Variants in AATF observed in about 807,000 individuals in gnomAD.
AATF encodes the protein protein AATF.
AATF carries 48 observed loss-of-function variants against 63.7 expected under a neutral mutation model. That is an observed-to-expected ratio of 0.75 (90% CI 0.60 to 0.96). AATF has a LOEUF of 0.96. Ranked by LOEUF, AATF falls within the 40% of genes least tolerant of loss-of-function variation. The probability of loss-of-function intolerance (pLI) is 0.00; values close to 1 mark genes in which losing one functional copy is unlikely to be tolerated. For missense variants in AATF, 639 were observed against 685.7 expected (o/e 0.93, Z 0.76); for synonymous variants, 258 against 247.7 (o/e 1.04, Z -0.39).
At chr17:36,986,786 C>T (rs1448792413) in intron 5 of AATF, 55 bp downstream of exon 5, 2 of 1,438,130 alleles carry the variant, frequency 1.4e-6, no homozygotes, top group East Asian at 2.3e-5. Context: ...GATAGTTTCC[C>T]ATCATTTATG....
intron 4 of AATF, among the ~76,000 whole-genome samples, chr17:36,978,713 A>C (rs1398130189): frequency 6.6e-6 from 1 of 151,908 alleles, no homozygotes; most frequent in Non-Finnish European, 1.5e-5. Flanking sequence ...TAGAAATTCT[A>C]GTTGGCCATA....
chr17:37,047,174 A>G (rs540065251), intron 11 of AATF, among the ~76,000 whole-genome samples: 1 of 152,292 alleles, frequency 6.6e-6, no homozygotes, highest in South Asian at 2.1e-4. Context: ...CTCACATCAA[A>G]TCTGTTATAA....
chr17:37,004,204 G>A (rs112155681), intron 8 of AATF, among the ~76,000 whole-genome samples: 11 of 152,178 alleles, frequency 7.2e-5, no homozygotes, highest in African/African-American at 2.2e-4. Flanking sequence ...GGTGGCGGAC[G>A]CCTGTAATCC....
intron 4 of AATF, among the ~76,000 whole-genome samples, chr17:36,964,207 G>A (rs1437830703): frequency 1.4e-5 from 2 of 144,030 alleles, no homozygotes; most frequent in Non-Finnish European, 3.0e-5. Flanking sequence ...AAGTATCAGC[G>A]TGTTTGCATG....
chr17:36,965,858 G>A lies in AATF; in HGVS notation c.832+11951G>A, dbSNP rs767065515. On this transcript the variant is annotated intron_variant, in intron 4 of 11. Transcript: ENST00000619387. ...CTGGGCCTCAGGTGCGTGCCACCAC[G>A]TCCAGCTAATTTTTTTCTTTTTTCT... Among the ~76,000 whole-genome samples, 11 of 151,886 alleles carry A rather than the reference G, an allele frequency of 7.2e-5. No individual in the cohort carries two copies. In the South Asian group the frequency reaches 1.5e-3, roughly 20 times the overall value.
intron 10 of AATF, among the ~76,000 whole-genome samples, chr17:37,021,474 C>A (rs1465858029): frequency 6.6e-6 from 1 of 151,892 alleles, no homozygotes; most frequent in African/African-American, 2.4e-5. Context: ...ACTAAAAATA[C>A]AAAAATTAGC....
chr17:36,985,801 G>A (rs543156214), intron 4 of AATF, among the ~76,000 whole-genome samples: 11 of 151,760 alleles, frequency 7.2e-5, no homozygotes, highest in African/African-American at 1.9e-4. Flanking sequence ...CACCCGTCTC[G>A]GCCTCCCAAA....
chr17:36,992,719 T>G (rs897869581), intron 8 of AATF, among the ~76,000 whole-genome samples: 1 of 152,112 alleles, frequency 6.6e-6, no homozygotes, highest in African/African-American at 2.4e-5. Flanking sequence ...AATTCTGATT[T>G]CAGAGTTATG....
chr17:36,985,886 A>G (rs1488869300), intron 4 of AATF, among the ~76,000 whole-genome samples: 1 of 152,160 alleles, frequency 6.6e-6, no homozygotes, highest in African/African-American at 2.4e-5. Flanking sequence ...TCCGTAGACT[A>G]TATACATCAT....
chr17:36,966,737 T>G (rs1332729260), intron 4 of AATF, among the ~76,000 whole-genome samples: 1 of 152,164 alleles, frequency 6.6e-6, no homozygotes, highest in East Asian at 1.9e-4. Flanking sequence ...ACCAGATGTT[T>G]TGTTTATCTT....
chr17:37,009,024 C>G (rs1330140743), intron 8 of AATF, among the ~76,000 whole-genome samples: 1 of 152,186 alleles, frequency 6.6e-6, no homozygotes, highest in Non-Finnish European at 1.5e-5. Flanking sequence ...GAAGAACCAA[C>G]TTTTTCCTTT....
chr17:37,015,215 G>A (rs1262022534), intron 8 of AATF, among the ~76,000 whole-genome samples: 1 of 152,198 alleles, frequency 6.6e-6, no homozygotes, highest in Non-Finnish European at 1.5e-5. Flanking sequence ...ATATAATTAT[G>A]CTGTGAACTG....
intron 4 of AATF, among the ~76,000 whole-genome samples, chr17:36,974,972 TA>T (rs2071068826): frequency 6.6e-6 from 1 of 152,168 alleles, no homozygotes; most frequent in Non-Finnish European, 1.5e-5. Context: ...TTAATTGCCT[TA>T]AAAAATAATA....
rs369697027 is a variant in AATF at position 37,046,312 on chromosome 17, G to A, written c.1620-10289G>A. On this transcript the variant is annotated intron_variant, in intron 11 of 11. Transcript: ENST00000619387. ...GAGGAGACCATTAGACCATTAGAGT[G>A]TGTGTAGGATCACCAGGGGAGGGTG... Among the ~76,000 whole-genome samples the A allele has an allele frequency of 3.9e-5, 6 of 152,090 alleles. No individual in the cohort carries two copies. The South Asian group carries it at 1.0e-3, about 26-fold the overall frequency.
chr17:36,996,588 T>C (rs1461339436), intron 8 of AATF, among the ~76,000 whole-genome samples: 1 of 152,306 alleles, frequency 6.6e-6, no homozygotes, highest in African/African-American at 2.4e-5. Flanking sequence ...TTGTATACCA[T>C]GTGTAAGAAT....
At chr17:37,003,073 C>G (rs2071314254) in intron 8 of AATF, among the ~76,000 whole-genome samples, 1 of 152,136 alleles carries the variant, frequency 6.6e-6, no homozygotes, top group Non-Finnish European at 1.5e-5. Context: ...ATAATCAAGA[C>G]ATTGTGGTGC....
intron 9 of AATF, among the ~76,000 whole-genome samples, chr17:37,020,041 G>A (rs1441826138): frequency 6.6e-6 from 1 of 151,918 alleles, no homozygotes; most frequent in African/African-American, 2.4e-5. Context: ...GTATAAATCA[G>A]GTAGGATGAC....
chr17:37,030,983 C>T (rs1224151962), intron 10 of AATF, among the ~76,000 whole-genome samples: 2 of 152,170 alleles, frequency 1.3e-5, no homozygotes, highest in Non-Finnish European at 2.9e-5. Context: ...CTCAAAAGCA[C>T]AAGTGTACCT....
chr17:36,968,921 C>A (rs1185155436), intron 4 of AATF, among the ~76,000 whole-genome samples: 3 of 152,196 alleles, frequency 2.0e-5, no homozygotes, highest in Non-Finnish European at 4.4e-5. Context: ...AACTTTAGCG[C>A]CTGGCCTATG....
Sources: allele counts gnomAD v4.1 joint callset (sites outside exome capture counted in the v4.1 genomes callset), GRCh38; gene constraint gnomAD v4.1.1; transcripts MANE v1.5; gene names NCBI Gene and HGNC (gene_info 2026-07-23, HGNC 2026-07-21).